The following KCNN2 variants were observed in gnomAD, a reference collection of about 807,000 sequenced individuals.
KCNN2 encodes the protein small conductance calcium-activated potassium channel protein 2.
KCNN2 carries 24 observed loss-of-function variants against 55.5 expected under a neutral mutation model. The observed-to-expected ratio is 0.43, with a 90% CI of 0.31 to 0.61. The LOEUF is 0.61. Among genes scored for constraint, KCNN2 ranks in the 20% least tolerant of loss-of-function variants. KCNN2 has a pLI of 0.08. For synonymous variants in KCNN2, 431 were observed against 336.1 expected, an observed-to-expected ratio of 1.28 and a Z score of -3.09; for missense variants, 754 against 853.6, an observed-to-expected ratio of 0.88 and a Z score of 1.45.
At chr5:114,467,824 G>T (rs1338037931) in intron 4 of KCNN2, among the ~76,000 whole-genome samples, 3 of 152,072 alleles carry the variant, frequency 2.0e-5, no homozygotes, top group East Asian at 3.9e-4. Context: ...TAAACTATCA[G>T]CACTTTTAAT....
At chr5:114,089,900 C>A (rs1751101149) in intron 1 of KCNN2, among the ~76,000 whole-genome samples, 2 of 152,244 alleles carry the variant, frequency 1.3e-5, no homozygotes, top group East Asian at 1.9e-4. Context: ...AATCGAGGAT[C>A]TGAGTATTTT....
intron 6 of KCNN2, among the ~76,000 whole-genome samples, chr5:114,491,235 CT>C (rs1747837932): frequency 1.3e-5 from 2 of 152,120 alleles, no homozygotes; most frequent in African/African-American, 4.8e-5. Context: ...GAATTCAGGA[CT>C]TTCTCTGTAC....
At chr5:114,455,852 A>C (rs1427246872) in intron 3 of KCNN2, among the ~76,000 whole-genome samples, 1 of 152,258 alleles carries the variant, frequency 6.6e-6, no homozygotes, top group Non-Finnish European at 1.5e-5. Context: ...AATCCATACA[A>C]GGTCCTAACT....
In KCNN2 at chr5:114,362,796, C is replaced by A; in HGVS notation, c.657C>A (p.Asn219Lys). The A allele has an allele frequency of 6.3e-7, 1 of 1,595,594 alleles. No homozygotes were observed. Among genetic ancestry groups the A allele is most frequent in the Non-Finnish European group, 8.5e-7 (1 of 1,176,354 alleles). Residue 219 changes from asparagine (N) to lysine (K), a missense_variant, in exon 1 of 8, where the codon AAC becomes AAA. By Grantham distance (94) the Asn-to-Lys change is moderately conservative (BLOSUM62 0). Around this residue, in one of 4 missense-constraint regions of KCNN2, gnomAD observed 381 missense variants for 259.1 expected, o/e 1.47. Coordinates refer to ENST00000673685, the MANE Select transcript of KCNN2 (RefSeq NM_021614.4). Reference sequence around the variant, plus strand: ...TAGCCATGAGCAGCTGCAGGTACAACGGGGGCGTCATGCGGCCGCTCAGCA... The same window carrying A: ...TAGCCATGAGCAGCTGCAGGTACAAAGGGGGCGTCATGCGGCCGCTCAGCA... ...TEIAMSSCRY[N>K]GGVMRPLSNL...
At chr5:114,223,885 G>A (rs1754192496) in intron 2 of KCNN2, among the ~76,000 whole-genome samples, 1 of 152,122 alleles carries the variant, frequency 6.6e-6, no homozygotes, top group South Asian at 2.1e-4. Context: ...GCCCCATTTG[G>A]CAGCACCTGG....
intron 2 of KCNN2, among the ~76,000 whole-genome samples, chr5:114,277,905 G>C (rs1209788855): frequency 6.6e-6 from 1 of 152,116 alleles, no homozygotes; most frequent in Non-Finnish European, 1.5e-5. Flanking sequence ...TTTTCCTTTG[G>C]AGGAGAAAAG....
intron 1 of KCNN2, among the ~76,000 whole-genome samples, chr5:114,190,204 T>G (rs1753422738): frequency 6.6e-6 from 1 of 152,070 alleles, no homozygotes. Context: ...GCTGAAGATG[T>G]GCATACCTTG....
chr5:114,395,210 T>C (rs534158358), intron 2 of KCNN2, among the ~76,000 whole-genome samples: 5 of 152,336 alleles, frequency 3.3e-5, no homozygotes, highest in Non-Finnish European at 7.3e-5. Context: ...AGGCCCCTCC[T>C]GCTAAACTCC....
chr5:114,185,167 G>A (rs558504625), intron 1 of KCNN2, among the ~76,000 whole-genome samples: 54 of 152,346 alleles, frequency 3.5e-4, no homozygotes, highest in African/African-American at 1.3e-3. Flanking sequence ...GAGAGGAAAA[G>A]TGTAGAACTA....
intron 2 of KCNN2, among the ~76,000 whole-genome samples, chr5:114,261,179 A>G (rs1353768835): frequency 6.6e-6 from 1 of 152,232 alleles, no homozygotes; most frequent in African/African-American, 2.4e-5. Context: ...AATGATTTCA[A>G]TATCACTAAT....
chr5:114,227,652 G>A (rs1371735754), intron 2 of KCNN2, among the ~76,000 whole-genome samples: 4 of 152,002 alleles, frequency 2.6e-5, no homozygotes, highest in South Asian at 4.1e-4. Context: ...AATGCTTTTC[G>A]TAGCAGGCTT....
At chr5:114,252,329 T>C (rs547963238) in intron 2 of KCNN2, among the ~76,000 whole-genome samples, 1 of 152,228 alleles carries the variant, frequency 6.6e-6, no homozygotes, top group Admixed American at 6.5e-5. Context: ...GAAACTTATA[T>C]GAAGAGACTC....
chr5:114,198,432 A>G (rs1040335384), intron 1 of KCNN2, among the ~76,000 whole-genome samples: 16 of 144,424 alleles, frequency 1.1e-4, no homozygotes, highest in African/African-American at 1.8e-4. Flanking sequence ...ATATATGTGT[A>G]TATATATATG....
At chr5:114,274,848 C>T (rs1019292983) in intron 2 of KCNN2, among the ~76,000 whole-genome samples, 1 of 152,108 alleles carries the variant, frequency 6.6e-6, no homozygotes, top group Non-Finnish European at 1.5e-5. Flanking sequence ...GCCTGATTGC[C>T]CTGGCCAGAA....
intron 2 of KCNN2, among the ~76,000 whole-genome samples, chr5:114,397,954 T>C (rs1340826612): frequency 6.6e-6 from 1 of 152,144 alleles, no homozygotes; most frequent in Non-Finnish European, 1.5e-5. Flanking sequence ...ATAGTTTGCA[T>C]ATGTTTTCTT....
At chr5:114,246,214 G>A (rs916849529) in intron 2 of KCNN2, among the ~76,000 whole-genome samples, 4 of 152,056 alleles carry the variant, frequency 2.6e-5, no homozygotes, top group Admixed American at 6.5e-5. Context: ...ATACTAAAGA[G>A]GCCAAGAAAT....
Position 114,404,811 on chromosome 5 carries a change from T to C in KCNN2, c.1592T>C (p.Ile531Thr). Reference sequence around the variant, plus strand: ...GGAACTGTACTCTTGGTTTTTAGTATCTCATTATGGATAATTGCCGCATGG... The same window carrying C: ...GGAACTGTACTCTTGGTTTTTAGTACCTCATTATGGATAATTGCCGCATGG... ...CPGTVLLVFSISLWIIAAWTV... is the reference protein window; with the variant it reads ...CPGTVLLVFSTSLWIIAAWTV... Residue 531 changes from isoleucine (I) to threonine (T), a missense_variant, in exon 3 of 8, where the codon ATC becomes ACC. Coordinates refer to ENST00000673685, the MANE Select transcript of KCNN2 (RefSeq NM_021614.4). 2 of 1,614,018 alleles carry C rather than the reference T, an allele frequency of 1.2e-6. No individual in the cohort carries two copies. The highest frequency in any genetic ancestry group is 1.7e-6 in the Non-Finnish European group (2 of 1,179,910).
intron 2 of KCNN2, among the ~76,000 whole-genome samples, chr5:114,383,007 ATG>A (rs1336286131): frequency 2.0e-5 from 3 of 152,214 alleles, no homozygotes; most frequent in Admixed American, 2.0e-4. Flanking sequence ...CTTAGTTAAT[ATG>A]TGTCAATTAA....
intron 6 of KCNN2, 34 bp downstream of exon 6, chr5:114,487,211 G>T: frequency 6.2e-7 from 1 of 1,601,724 alleles, no homozygotes; most frequent in Non-Finnish European, 8.5e-7. Flanking sequence ...TCCTGTTGTT[G>T]TGTCCTTGGC....
Sources: gnomAD v4.1 joint callset for allele counts (sites outside exome capture counted in the v4.1 genomes callset) on GRCh38, gnomAD v4.1.1 for gene constraint, gnomAD v4.1.1 regional missense constraint, MANE v1.5 for transcripts, NCBI Gene and HGNC (gene_info 2026-07-23, HGNC 2026-07-21) for gene names.